The following ARHGAP28 variants were observed in gnomAD, a reference collection of about 807,000 sequenced individuals.
ARHGAP28 encodes the protein rho GTPase-activating protein 28.
In ARHGAP28, 56 loss-of-function variants were observed where a neutral mutation model predicts 90.7. That is an observed-to-expected ratio of 0.62 (90% CI 0.50 to 0.77). The LOEUF is 0.77. Among genes scored for constraint, ARHGAP28 ranks in the 30% least tolerant of loss-of-function variants. The pLI is 0.00. For missense variants in ARHGAP28, 869 were observed against 900.9 expected, an observed-to-expected ratio of 0.96 and a Z score of 0.45; for synonymous variants, 308 against 323.3, an observed-to-expected ratio of 0.95 and a Z score of 0.51.
rs190194056 is a variant in ARHGAP28 at position 6,874,051 on chromosome 18, A to G, written c.1212+276A>G. 4.5e-4 allele frequency among the ~76,000 whole-genome samples: 68 copies of G among 152,296 alleles called. 1 individual carries two copies. The highest frequency in any genetic ancestry group is 2.4e-3 in the Admixed American group (37 of 15,288). Reference sequence around the variant, plus strand: ...CACAGATGGTCTGACCCAGGGCACGAACAGTTGCATTTTTTTCCAATATTT... The same window carrying G: ...CACAGATGGTCTGACCCAGGGCACGGACAGTTGCATTTTTTTCCAATATTT... On this transcript the variant is annotated intron_variant, in intron 9 of 17. Coordinates refer to ENST00000383472, the MANE Select transcript of ARHGAP28 (RefSeq NM_001366230.1).
At chr18:6,900,066 G>A (rs1567987870) in intron 16 of ARHGAP28, among the ~76,000 whole-genome samples, 1 of 152,108 alleles carries the variant, frequency 6.6e-6, no homozygotes, top group Non-Finnish European at 1.5e-5. Context: ...GCCCAGGAGG[G>A]AGCTGATCTT....
At chr18:6,859,708 TA>T in intron 4 of ARHGAP28, 99 bp from the exon 5 acceptor site, 1 of 1,172,242 alleles carries the variant, frequency 8.5e-7, no homozygotes, top group Non-Finnish European at 1.2e-6. Flanking sequence ...TAATTGCATA[TA>T]TTGCCACACA....
At chr18:6,820,982 G>C (rs570560763) in intron 1 of ARHGAP28, among the ~76,000 whole-genome samples, 1 of 152,178 alleles carries the variant, frequency 6.6e-6, no homozygotes, top group South Asian at 2.1e-4. Flanking sequence ...CTCTAGAAAA[G>C]ATAAATTTAA....
intron 1 of ARHGAP28, among the ~76,000 whole-genome samples, chr18:6,766,737 G>A (rs909866954): frequency 5.9e-5 from 9 of 152,160 alleles, no homozygotes; most frequent in African/African-American, 2.2e-4. Context: ...TATACCCAGT[G>A]TGGCTCCTGT....
intron 1 of ARHGAP28, among the ~76,000 whole-genome samples, chr18:6,746,310 A>G (rs944163067): frequency 6.6e-6 from 1 of 152,154 alleles, no homozygotes; most frequent in Non-Finnish European, 1.5e-5. Flanking sequence ...AAGGGTCAAT[A>G]TTTTAGGCTT....
chr18:6,865,061 G>A (rs2057028338), intron 5 of ARHGAP28, among the ~76,000 whole-genome samples: 1 of 151,914 alleles, frequency 6.6e-6, no homozygotes, highest in Non-Finnish European at 1.5e-5. Flanking sequence ...TTTTCCTATT[G>A]CAATAATTTA....
At chr18:6,903,241 A>G (rs990025625) in intron 16 of ARHGAP28, among the ~76,000 whole-genome samples, 7 of 152,192 alleles carry the variant, frequency 4.6e-5, no homozygotes, top group Admixed American at 4.6e-4. Flanking sequence ...TGCTTGTACA[A>G]CATTATGAAT....
chr18:6,803,980 C>T lies in ARHGAP28; in HGVS notation c.123-20782C>T, dbSNP rs150805711. 5.3e-5 allele frequency among the ~76,000 whole-genome samples: 8 copies of T among 152,182 alleles called. No homozygotes were observed. The East Asian group carries it at 7.8e-4, about 15-fold the overall frequency. ...ATTTTTAGTAGAGATGGGGTTTCAC[C>T]GTATTAGTCAGGATGATCTTGATTT... On this transcript the variant is annotated intron_variant, in intron 1 of 17. Coordinates refer to ENST00000383472, the MANE Select transcript of ARHGAP28 (RefSeq NM_001366230.1).
At chr18:6,763,746 G>T (rs1435165741) in intron 1 of ARHGAP28, among the ~76,000 whole-genome samples, 1 of 152,214 alleles carries the variant, frequency 6.6e-6, no homozygotes, top group East Asian at 1.9e-4. Flanking sequence ...TGAGCTGCCA[G>T]TAGTCTCGCC....
rs542261227 is a variant in ARHGAP28, at chr18:6,885,455, C to T, written c.1454-1702C>T. 2.6e-5 allele frequency among the ~76,000 whole-genome samples: 4 copies of T among 152,224 alleles called. No individual in the cohort carries two copies. The South Asian group carries it at 6.2e-4, about 24-fold the overall frequency. On this transcript the variant is annotated intron_variant, in intron 11 of 17. Transcript: ENST00000383472. ...AACACAGAGCCTTTTCCACTAATGTCGTTACTTTCTCTTTTCAAACTTGGC... is the reference window on the plus strand; with the variant it reads ...AACACAGAGCCTTTTCCACTAATGTTGTTACTTTCTCTTTTCAAACTTGGC...
rs2057053963 is a variant in ARHGAP28, at chr18:6,868,246, G to T, written c.811+12G>T. 2 of 1,611,716 alleles carry T rather than the reference G, an allele frequency of 1.2e-6. No individual in the cohort carries two copies. Among genetic ancestry groups the T allele is most frequent in the African/African-American group, 1.3e-5 (1 of 74,884 alleles). On this transcript the variant is annotated intron_variant, in intron 6 of 17. Transcript: ENST00000383472. ...GAATGCGATAAGTGGTGAGCGGCATGCCTCCTGTTGAACTTCAGCTGTGTC... is the reference window on the plus strand; with the variant it reads ...GAATGCGATAAGTGGTGAGCGGCATTCCTCCTGTTGAACTTCAGCTGTGTC...
At chr18:6,893,866 G>GT (rs1377465542) in intron 14 of ARHGAP28, among the ~76,000 whole-genome samples, 9 of 82,042 alleles carry the variant, frequency 1.1e-4, no homozygotes, top group Admixed American at 8.8e-4. Flanking sequence ...ATTGCTTTTT[G>GT]GTTTTTTTTT....
At chr18:6,744,105 G>C (rs997660685) in intron 1 of ARHGAP28, among the ~76,000 whole-genome samples, 2 of 152,196 alleles carry the variant, frequency 1.3e-5, no homozygotes, top group Non-Finnish European at 2.9e-5. Flanking sequence ...GCTCGGGTTG[G>C]TGAGAGAAGG....
intron 3 of ARHGAP28, among the ~76,000 whole-genome samples, chr18:6,850,430 T>TTTG (rs2143248425): frequency 6.6e-6 from 1 of 152,340 alleles, no homozygotes; most frequent in East Asian, 1.9e-4. Context: ...GAGGTTTACT[T>TTTG]TTCTTACAAA....
chr18:6,878,351 G>T (rs868102951), intron 10 of ARHGAP28, among the ~76,000 whole-genome samples: 1 of 125,552 alleles, frequency 8.0e-6, no homozygotes, highest in Admixed American at 8.7e-5. Context: ...GTTGTGGGGT[G>T]GGGGGAGGGG....
intron 2 of ARHGAP28, among the ~76,000 whole-genome samples, chr18:6,834,200 A>G (rs967919484): frequency 4.2e-4 from 64 of 152,252 alleles, no homozygotes; most frequent in African/African-American, 1.5e-3. Context: ...CAAGGAGATG[A>G]TAATCTAGTA....
chr18:6,754,064 A>G (rs1054620728), intron 1 of ARHGAP28, among the ~76,000 whole-genome samples: 2 of 152,230 alleles, frequency 1.3e-5, no homozygotes, highest in Non-Finnish European at 1.5e-5. Flanking sequence ...GACCATTTGC[A>G]TGAAATAACA....
chr18:6,860,855 T>C (rs2056992834), intron 5 of ARHGAP28, among the ~76,000 whole-genome samples: 1 of 152,228 alleles, frequency 6.6e-6, no homozygotes, highest in South Asian at 2.1e-4. Context: ...TATCATTGAT[T>C]AACTTACTAA....
chr18:6,827,584 T>C (rs6506445), intron 2 of ARHGAP28, among the ~76,000 whole-genome samples: 95,145 of 125,460 alleles, frequency 0.76, 35,062 homozygotes, highest in Non-Finnish European at 0.81. Context: ...ACTGGCTGGG[T>C]GGGGGGCTGA....
Sources: allele counts gnomAD v4.1 joint callset (sites outside exome capture counted in the v4.1 genomes callset), GRCh38; gene constraint gnomAD v4.1.1; transcripts MANE v1.5; gene names NCBI Gene and HGNC (gene_info 2026-07-23, HGNC 2026-07-21).